The following PPP1R21 variants were observed in gnomAD, a reference collection of about 807,000 sequenced individuals.
The protein encoded by PPP1R21 is protein phosphatase 1 regulatory subunit 21.
Under a neutral mutation model 112.8 loss-of-function variants are expected in PPP1R21, and 85 were observed. That is an observed-to-expected ratio of 0.75 (90% CI 0.63 to 0.90). The LOEUF (loss-of-function observed/expected upper bound fraction) is 0.90. Among genes scored for constraint, PPP1R21 ranks in the 40% least tolerant of loss-of-function variants. The pLI is 0.00. For missense variants in PPP1R21, 1,199 were observed against 901.5 expected, an observed-to-expected ratio of 1.33 and a Z score of -4.23; for synonymous variants, 381 against 322.3, an observed-to-expected ratio of 1.18 and a Z score of -1.95.
At chr2:48,503,434 C>G (rs1400465091) in intron 17 of PPP1R21, among the ~76,000 whole-genome samples, 2 of 152,096 alleles carry the variant, frequency 1.3e-5, no homozygotes, top group Non-Finnish European at 1.5e-5. Context: ...ATAACTTATG[C>G]TATTTTAAAT....
chr2:48,484,541 G>A (rs147756472), intron 13 of PPP1R21, among the ~76,000 whole-genome samples: 51 of 120,140 alleles, frequency 4.2e-4, no homozygotes, highest in African/African-American at 1.5e-3. Context: ...TTTCTGGACT[G>A]ATTCTTGCTC....
At chr2:48,480,167 C>T in intron 13 of PPP1R21, 151 bp downstream of exon 13, 1 of 637,910 alleles carries the variant, frequency 1.6e-6, no homozygotes, top group Non-Finnish European at 2.8e-6. Flanking sequence ...AGCTCACTGC[C>T]TTCTGCTTTT....
chr2:48,481,719 G>C (rs1202030251), intron 13 of PPP1R21, among the ~76,000 whole-genome samples: 1 of 151,806 alleles, frequency 6.6e-6, no homozygotes, highest in Non-Finnish European at 1.5e-5. Flanking sequence ...TCTACAAAAT[G>C]AAACAATAAA....
In PPP1R21 at chr2:48,490,210, C is replaced by T. The variant is rs746976088; in HGVS notation, c.1447-808C>T. ...CTCCAGCCTGGGCAACAGAGTGAGA[C>T]GCCGACTCAAAAAAAAAAAAAAAAA... On this transcript the variant is annotated intron_variant, in intron 14 of 21. Transcript: ENST00000294952. Among the ~76,000 whole-genome samples the T allele has an allele frequency of 4.0e-5, 4 of 101,024 alleles. No individual in the cohort carries two copies. The South Asian group carries it at 1.1e-3, about 27-fold the overall frequency. The allele number at this position is 101,024 out of a possible 152,430, so 66.3% of individuals were successfully genotyped here.
intron 3 of PPP1R21, among the ~76,000 whole-genome samples, chr2:48,457,078 A>G (rs569634330): frequency 6.6e-6 from 1 of 152,222 alleles, no homozygotes; most frequent in South Asian, 2.1e-4. Context: ...ATGCCCTGGA[A>G]ATTCTGAAAG....
chr2:48,494,926 C>T (rs567388048), intron 15 of PPP1R21, among the ~76,000 whole-genome samples: 19 of 152,060 alleles, frequency 1.2e-4, no homozygotes, highest in Admixed American at 6.6e-4. Flanking sequence ...CGGCTGGTCT[C>T]GAACTCCTGA....
intron 16 of PPP1R21, 22 bp downstream of exon 16, chr2:48,495,793 G>A (rs776528425): frequency 4.4e-6 from 6 of 1,360,410 alleles, no homozygotes; most frequent in Non-Finnish European, 6.3e-6. Flanking sequence ...GGAAAATTAT[G>A]GAAATTGTTA....
intron 18 of PPP1R21, among the ~76,000 whole-genome samples, chr2:48,506,427 C>G (rs1262684941): frequency 6.6e-6 from 1 of 152,092 alleles, no homozygotes; most frequent in Non-Finnish European, 1.5e-5. Context: ...TAAATAAACA[C>G]TGAAGTCATC....
At chr2:48,469,349 GCATATATATATAGAGCATATATATATAT>G (rs1558456540) in intron 9 of PPP1R21, among the ~76,000 whole-genome samples, 264 of 5,286 alleles carry the variant, frequency 0.05, 28 homozygotes, top group Non-Finnish European at 0.065. Context: ...TATATATATA[GCATATATATATAGAGCATATATATATAT>G]AGCATATATA....
intron 12 of PPP1R21, among the ~76,000 whole-genome samples, chr2:48,476,125 T>C (rs2103872087): frequency 6.6e-6 from 1 of 152,292 alleles, no homozygotes; most frequent in Admixed American, 6.5e-5. Flanking sequence ...GTTCCACCCC[T>C]CCCTAGCCCG....
intron 18 of PPP1R21, 115 bp from the exon 19 acceptor site, chr2:48,507,154 C>T (rs1670419016): frequency 2.2e-6 from 3 of 1,351,684 alleles, no homozygotes; most frequent in Non-Finnish European, 1.9e-6. Flanking sequence ...AACAGTGATT[C>T]CCCATCAAAG....
intron 1 of PPP1R21, among the ~76,000 whole-genome samples, chr2:48,449,543 C>T (rs979671454): frequency 6.6e-6 from 1 of 152,164 alleles, no homozygotes; most frequent in African/African-American, 2.4e-5. Context: ...GTCTTTTGCT[C>T]AAACTGTTGA....
intron 1 of PPP1R21, among the ~76,000 whole-genome samples, chr2:48,448,213 A>C (rs746748450): frequency 6.6e-6 from 1 of 152,194 alleles, no homozygotes; most frequent in African/African-American, 2.4e-5. Context: ...TTGTCTGTTA[A>C]ATGGTTTCAT....
chr2:48,507,371 C>T lies in PPP1R21; in HGVS notation c.2071C>T (p.His691Tyr). Residue 691 changes from histidine (H) to tyrosine (Y), a missense_variant, in exon 19 of 22, where the codon CAT becomes TAT. Transcript: ENST00000294952. ...GCAGCTGGCTGACAGTAAGTCAGTG[C>T]ATTTTTATGCCGAGGTGAGTGTAGA... Reference protein sequence around the residue: ...QLQLADSKSVHFYAECRALSK... With the variant: ...QLQLADSKSVYFYAECRALSK... The T allele has an allele frequency of 2.5e-6, 4 of 1,600,326 alleles. No individual in the cohort carries two copies. Among genetic ancestry groups the T allele is most frequent in the East Asian group, 2.3e-5 (1 of 44,266 alleles).
chr2:48,465,400 G>A (rs1668154686), intron 8 of PPP1R21, 93 bp from the exon 9 acceptor site: 1 of 1,126,696 alleles, frequency 8.9e-7, no homozygotes, highest in African/African-American at 1.6e-5. Context: ...ATCACACTAG[G>A]ATTCAAATGT....
At chr2:48,459,697 T>A in intron 4 of PPP1R21, 57 bp from the exon 5 acceptor site, 1 of 1,555,112 alleles carries the variant, frequency 6.4e-7, no homozygotes, top group Non-Finnish European at 8.7e-7. Context: ...GCTGTTATTT[T>A]TCTCATTTAT....
intron 17 of PPP1R21, among the ~76,000 whole-genome samples, chr2:48,504,239 C>G (rs1229729285): frequency 1.3e-5 from 2 of 152,122 alleles, no homozygotes; most frequent in Admixed American, 1.3e-4. Context: ...AAGTTCTTAT[C>G]AAAGACTCTT....
At chr2:48,445,611 C>T (rs1222948098) in intron 1 of PPP1R21, among the ~76,000 whole-genome samples, 1 of 152,166 alleles carries the variant, frequency 6.6e-6, no homozygotes, top group African/African-American at 2.4e-5. Context: ...AAGGGGCAGC[C>T]TCCTCTTCCT....
chr2:48,513,757 T>G (rs1423299695), intron 21 of PPP1R21, among the ~76,000 whole-genome samples: 1 of 152,242 alleles, frequency 6.6e-6, no homozygotes, highest in South Asian at 2.1e-4. Context: ...GTGTTTATAT[T>G]CTGCAAGCAT....
Sources: gnomAD v4.1 joint callset for allele counts (sites outside exome capture counted in the v4.1 genomes callset) on GRCh38, gnomAD v4.1.1 for gene constraint, MANE v1.5 for transcripts, NCBI Gene and HGNC (gene_info 2026-07-23, HGNC 2026-07-21) for gene names.